The following MKX variants were observed in gnomAD, a reference collection of about 807,000 sequenced individuals.
MKX encodes the protein mohawk homeobox.
In MKX, 13 loss-of-function variants were observed where a neutral mutation model predicts 36.0. The ratio of observed to expected loss-of-function variants is 0.36; its 90% confidence interval spans 0.24 to 0.57. MKX has a LOEUF of 0.57. MKX is among the 20% of genes least tolerant of loss of function. The pLI is 0.79. For missense variants in MKX, 458 were observed against 456.4 expected (o/e 1.00, Z -0.03); for synonymous variants, 176 against 178.3 (o/e 0.99, Z 0.10).
intron 5 of MKX, among the ~76,000 whole-genome samples, chr10:27,707,474 G>A (rs914871441): frequency 6.6e-6 from 1 of 152,018 alleles, no homozygotes; most frequent in Non-Finnish European, 1.5e-5. Context: ...GTGGGTGTGG[G>A]TATCTCTTAA....
At chr10:27,702,493 C>T (rs1331386627) in intron 5 of MKX, among the ~76,000 whole-genome samples, 1 of 152,178 alleles carries the variant, frequency 6.6e-6, no homozygotes, top group African/African-American at 2.4e-5. Flanking sequence ...ACACAAAACT[C>T]TGCACAGAAA....
At chr10:27,683,561 A>G (rs752799788) in intron 5 of MKX, among the ~76,000 whole-genome samples, 5 of 152,228 alleles carry the variant, frequency 3.3e-5, no homozygotes, top group Non-Finnish European at 7.3e-5. Context: ...GCAATTAAAA[A>G]TCCGGGGCCT....
At chr10:27,703,921 A>G (rs575906427) in intron 5 of MKX, among the ~76,000 whole-genome samples, 67 of 152,248 alleles carry the variant, frequency 4.4e-4, no homozygotes, top group African/African-American at 1.4e-3. Context: ...TACCAAAATG[A>G]TCAGCAAATT....
chr10:27,742,314 A>C lies in MKX; in HGVS notation c.189-810T>G, dbSNP rs1401042734. 6.6e-6 allele frequency among the ~76,000 whole-genome samples: 1 copy of C among 152,120 alleles called. No homozygotes were observed. On this transcript the variant is annotated intron_variant, in intron 2 of 6. Transcript: ENST00000419761. This position sits in a 1 kb window ranked among gnomAD's most constrained non-coding sequence, Gnocchi z 4.2. Reference sequence around the variant, plus strand: ...GAGGTGTCGCGCGCGGCCGCCAGCGAGCCCAGCCGCTCCCCGAGGCTTGCG... The same window carrying C: ...GAGGTGTCGCGCGCGGCCGCCAGCGCGCCCAGCCGCTCCCCGAGGCTTGCG...
intron 5 of MKX, among the ~76,000 whole-genome samples, chr10:27,727,997 G>T (rs1834529751): frequency 6.6e-6 from 1 of 152,164 alleles, no homozygotes; most frequent in South Asian, 2.1e-4. Flanking sequence ...GCCTTTGTTA[G>T]GTAAGGTACA....
intron 5 of MKX, among the ~76,000 whole-genome samples, chr10:27,700,937 T>G (rs963897802): frequency 3.9e-5 from 6 of 152,196 alleles, no homozygotes; most frequent in Admixed American, 3.9e-4. Context: ...TTTAAAAAAT[T>G]TTAATTTTTG....
At chr10:27,703,886 C>T (rs970508880) in intron 5 of MKX, among the ~76,000 whole-genome samples, 5 of 151,840 alleles carry the variant, frequency 3.3e-5, no homozygotes, top group African/African-American at 7.3e-5. Flanking sequence ...GGCAACAGAG[C>T]GAGACTCTGT....
At position 27,673,934 on chromosome 10, in the gene MKX, C is replaced by T. The variant is rs969170882; in HGVS notation, c.*1295G>A. ...AAAATCCCATCATAAAAAGTCAAAC[C>T]CTTTTTACTTCTCTGTAGCACATAC... On this transcript the variant is annotated 3_prime_UTR_variant, in exon 7 of 7. Transcript: ENST00000419761. 1 of 151,924 alleles carries T rather than the reference C, an allele frequency of 6.6e-6. No individual in the cohort carries two copies. The highest frequency in any genetic ancestry group is 1.5e-5 in the Non-Finnish European group (1 of 67,942). The allele number at this position is 151,924 out of a possible 1,614,324, so 9.4% of individuals were successfully genotyped here.
chr10:27,708,866 A>G (rs1276689886), intron 5 of MKX, among the ~76,000 whole-genome samples: 1 of 152,146 alleles, frequency 6.6e-6, no homozygotes, highest in East Asian at 1.9e-4. Flanking sequence ...AAAAAAATAA[A>G]CAATAAAAAG....
chr10:27,681,862 C>T (rs1836261012), intron 5 of MKX, among the ~76,000 whole-genome samples: 1 of 151,660 alleles, frequency 6.6e-6, no homozygotes, highest in African/African-American at 2.4e-5. Flanking sequence ...GCAGAGGTTG[C>T]AGTGAGCCGA....
chr10:27,685,433 C>T (rs988249496), intron 5 of MKX, among the ~76,000 whole-genome samples: 17 of 140,630 alleles, frequency 1.2e-4, no homozygotes, highest in African/African-American at 3.9e-4. Flanking sequence ...TTTATACTTT[C>T]AGCAGAGTGA....
Position 27,741,992 on chromosome 10 carries a change from T to C in MKX, c.189-488A>G, listed in dbSNP as rs1834909755. Among the ~76,000 whole-genome samples, 1 of 152,028 alleles carries C rather than the reference T, an allele frequency of 6.6e-6. No individual in the cohort carries two copies. Among genetic ancestry groups the C allele is most frequent in the Non-Finnish European group, 1.5e-5 (1 of 67,990 alleles). ...CAGGGGAAAGGTCGCCGACTGGACA[T>C]AGGGAATAAAGCAAAGGAGCATTGC... is the stretch of plus-strand genomic sequence containing the variant. On this transcript the variant is annotated intron_variant, in intron 2 of 6. Transcript: ENST00000419761. This position sits in a 1 kb window ranked among gnomAD's most constrained non-coding sequence, Gnocchi z 5.1.
rs1048247878 is a variant in MKX at position 27,675,190 on chromosome 10, C to T, written c.*39G>A. On this transcript the variant is annotated 3_prime_UTR_variant, in exon 7 of 7. Coordinates refer to ENST00000419761, the MANE Select transcript of MKX (RefSeq NM_173576.3). ...TTAGGATGAGGGTTGATGAAAACAC[C>T]GGAAAGAACATCCATTGGATCTGAA... 11 of 1,590,106 alleles carry T rather than the reference C, an allele frequency of 6.9e-6. No individual in the cohort carries two copies. Among genetic ancestry groups the T allele is most frequent in the East Asian group, 2.2e-5 (1 of 44,602 alleles).
Position 27,675,384 on chromosome 10 carries a change from C to T in MKX, c.904G>A (p.Asp302Asn). 2 of 1,614,180 alleles carry T rather than the reference C, an allele frequency of 1.2e-6. No individual in the cohort carries two copies. Among genetic ancestry groups the T allele is most frequent in the Non-Finnish European group, 1.7e-6 (2 of 1,180,044 alleles). ...AANRKGPSKDDTYWKEINAAM... is the reference protein window; with the variant it reads ...AANRKGPSKDNTYWKEINAAM... ...GCGTTGATCTCCTTCCAATACGTGT[C>T]ATCCTTGCTTGGTCCTTTTCTGTTA... Residue 302 changes from aspartate (D) to asparagine (N), a missense_variant, in exon 7 of 7, where the codon GAC becomes AAC. Coordinates refer to ENST00000419761, the MANE Select transcript of MKX (RefSeq NM_173576.3).
intron 5 of MKX, among the ~76,000 whole-genome samples, chr10:27,693,994 TCC>T (rs1278702905): frequency 6.6e-6 from 1 of 152,142 alleles, no homozygotes; most frequent in African/African-American, 2.4e-5. Flanking sequence ...ACAAGGGGTT[TCC>T]CCTTTTGCTT....
At chr10:27,713,028 T>A (rs1369647377) in intron 5 of MKX, among the ~76,000 whole-genome samples, 1 of 152,228 alleles carries the variant, frequency 6.6e-6, no homozygotes, top group Non-Finnish European at 1.5e-5. Flanking sequence ...CTGTACCACG[T>A]GCACAAGCTT....
At chr10:27,693,616 C>T (rs1836493462) in intron 5 of MKX, among the ~76,000 whole-genome samples, 1 of 152,090 alleles carries the variant, frequency 6.6e-6, no homozygotes, top group African/African-American at 2.4e-5. Context: ...GCCAAACGAC[C>T]ATACATACTG....
intron 5 of MKX, among the ~76,000 whole-genome samples, chr10:27,714,238 T>A (rs544248756): frequency 3.9e-5 from 6 of 152,224 alleles, no homozygotes; most frequent in African/African-American, 1.4e-4. Context: ...CTAACTGCAG[T>A]CTCTGTGGTT....
rs11006701 is a variant in MKX, at chr10:27,745,700, G to A, written c.-83+7C>T. ...CCGGCTGAGACTCGGCGACGCGGGG[G>A]CTGTACCTGTGGCTGCGGGGCCGAC... On this transcript the variant is annotated splice_region_variant and intron_variant, in intron 1 of 6. Transcript: ENST00000419761. 16,394 of 152,606 alleles carry A rather than the reference G, an allele frequency of 0.11. 1,032 individuals carry two copies. The highest frequency in any genetic ancestry group is 0.29 in the East Asian group (1,508 of 5,146). 9.5% of individuals were successfully genotyped at this position (152,606 alleles called of 1,614,324 possible).
Sources: gnomAD v4.1 joint callset for allele counts (sites outside exome capture counted in the v4.1 genomes callset) on GRCh38, gnomAD v4.1.1 for gene constraint, Gnocchi (gnomAD v3.1) non-coding constraint, MANE v1.5 for transcripts, NCBI Gene and HGNC (gene_info 2026-07-23, HGNC 2026-07-21) for gene names.